Variants in SLITRK4 observed in about 807,000 individuals in gnomAD.
The protein encoded by SLITRK4 is SLIT and NTRK-like protein 4.
Under a neutral mutation model 34.7 loss-of-function variants are expected in SLITRK4, and 7 were observed. The observed-to-expected ratio is 0.20, with a 90% CI of 0.11 to 0.38. SLITRK4 has a LOEUF of 0.38. Ranked by LOEUF, SLITRK4 falls within the 10% of genes least tolerant of loss-of-function variation. The probability of loss-of-function intolerance (pLI) is 1.00; values close to 1 mark genes in which losing one functional copy is unlikely to be tolerated. For synonymous variants in SLITRK4, 237 were observed against 246.2 expected (o/e 0.96, Z 0.35); for missense variants, 474 against 607.0 (o/e 0.78, Z 2.30).
In SLITRK4 at chrX:143,626,544, A is replaced by T. The variant is rs782392838; in HGVS notation, c.*2051T>A. ...TACACACACTCAGACACACACACAC[A>T]TACACACACACCCAAGAAAGCCAAG... On this transcript the variant is annotated 3_prime_UTR_variant, in exon 2 of 2. Transcript: ENST00000356928. 1 of 105,702 alleles carries T rather than the reference A, an allele frequency of 9.5e-6. No homozygotes were observed. The highest frequency in any genetic ancestry group is 2.0e-5 in the Non-Finnish European group (1 of 50,897). 8.7% of individuals were successfully genotyped at this position (105,702 alleles called of 1,213,427 possible).
rs369233515 is a variant in SLITRK4 at position 143,628,618 on chromosome X, G to T, written c.2491C>A (p.Gln831Lys). The T allele has an allele frequency of 8.4e-7, 1 of 1,193,207 alleles. No individual in the cohort carries two copies. Among genetic ancestry groups the T allele is most frequent in the Non-Finnish European group, 1.1e-6 (1 of 887,950 alleles). ...ACCTAGATCTTGTTCAAAGCTGTTT[G>T]CTCCTCAAGGACCTGTAGGTAGTCA... The part of the protein sequence containing the change: ...SPDYLQVLEE[Q>K]TALNKI The change falls in exon 2 of 2, where the codon CAA becomes AAA. Residue 831 changes from glutamine to lysine, a missense_variant. Coordinates refer to ENST00000356928, the MANE Select transcript of SLITRK4 (RefSeq NM_001184749.3).
rs1930998461 is a variant in SLITRK4 at position 143,630,676 on chromosome X, A to G, written c.433T>C (p.Tyr145His). ...YLQADYNLIK[Y>H]IERGAFNKLH... Reference sequence around the variant, plus strand: ...TTATTGAAGGCTCCTCGTTCAATATACTTGATTAAATTGTAGTCAGCCTGG... The same window carrying G: ...TTATTGAAGGCTCCTCGTTCAATATGCTTGATTAAATTGTAGTCAGCCTGG... The change falls in exon 2 of 2, where the codon TAT becomes CAT. Residue 145 changes from tyrosine to histidine, a missense_variant. Around this residue, in one of 3 missense-constraint regions of SLITRK4, gnomAD observed 84 missense variants for 101.3 expected, o/e 0.83. Coordinates refer to ENST00000356928, the MANE Select transcript of SLITRK4 (RefSeq NM_001184749.3). The G allele has an allele frequency of 2.5e-6, 3 of 1,211,240 alleles. No homozygotes were observed. The highest frequency in any genetic ancestry group is 2.3e-4 in the Middle Eastern group (1 of 4,345).
At chrX:143,632,580 C>T (rs1037174046) in intron 1 of SLITRK4, among the ~76,000 whole-genome samples, 5 of 111,867 alleles carry the variant, frequency 4.5e-5, no homozygotes, top group South Asian at 7.5e-4. Flanking sequence ...AAAGAAGTGT[C>T]GCACAGAAAC....
chrX:143,633,503 T>C (rs1931116081), intron 1 of SLITRK4, among the ~76,000 whole-genome samples: 1 of 110,396 alleles, frequency 9.1e-6, no homozygotes, highest in African/African-American at 3.3e-5. Context: ...GAGCTGTCCG[T>C]CTTCCTCTCG....
intron 1 of SLITRK4, among the ~76,000 whole-genome samples, chrX:143,633,741 G>A (rs1019406798): frequency 2.7e-5 from 3 of 111,949 alleles, no homozygotes; most frequent in Non-Finnish European, 3.8e-5. Context: ...AGGCTCGGAT[G>A]GAGGTGGAAG....
At chrX:143,634,624 G>A (rs1931170710) in intron 1 of SLITRK4, 1 of 110,460 alleles carries the variant, frequency 9.1e-6, no homozygotes, top group Non-Finnish European at 1.9e-5. Context: ...AGGCAGGCAA[G>A]TGGGAGGTGG....
At chrX:143,632,082 C>T (rs1556428928) in intron 1 of SLITRK4, among the ~76,000 whole-genome samples, 1 of 111,556 alleles carries the variant, frequency 9.0e-6, no homozygotes, top group Admixed American at 9.5e-5. Context: ...AACCCAGGTC[C>T]GACTGATCCT....
In SLITRK4 at chrX:143,630,477, T is replaced by G; in HGVS notation, c.632A>C (p.Glu211Ala). Residue 211 changes from glutamate (E) to alanine (A), a missense_variant, in exon 2 of 2, where the codon GAA (glutamate) becomes GCA (alanine). Glu to Ala is a moderately radical substitution (Grantham distance 107). This residue lies in a region of SLITRK4 where 45 missense variants were observed against 99.2 expected (regional missense o/e 0.45). Transcript: ENST00000356928. The part of the protein sequence containing the change: ...HIGRVVELQL[E>A]DNPWNCSCDL... ...ACAGCTACAGTTCCAAGGGTTATCT[T>G]CCAGTTGCAATTCAACGACACGGCC... 8.3e-7 allele frequency: 1 copy of G among 1,211,833 alleles called. No individual in the cohort carries two copies. The highest frequency in any genetic ancestry group is 2.2e-5 in the Admixed American group (1 of 46,039).
Position 143,623,616 on chromosome X carries a change from A to G in SLITRK4, c.*4979T>C. The G allele has an allele frequency of 9.0e-6, 1 of 111,538 alleles. No homozygotes were observed. The highest frequency in any genetic ancestry group is 1.9e-5 in the Non-Finnish European group (1 of 52,996). The allele number at this position is 111,538 out of a possible 1,213,427, so 9.2% of individuals were successfully genotyped here. A position where few individuals can be genotyped will look rare whatever the true frequency, so the allele number is the denominator to read the frequency against. ...CAAAATAAAATTCCAAATTAGATTA[A>G]GGGCAGTTTTGTACAAAGTAAGTTA... On this transcript the variant is annotated 3_prime_UTR_variant, in exon 2 of 2. Transcript: ENST00000356928.
chrX:143,628,118 T>TTTTTTTTTTTTTTTTTTTTC lies in SLITRK4; in HGVS notation c.*476_*477insGAAAAAAAAAAAAAAAAAAA. On this transcript the variant is annotated 3_prime_UTR_variant, in exon 2 of 2. Coordinates refer to ENST00000356928, the MANE Select transcript of SLITRK4 (RefSeq NM_001184749.3). ...TTTTTTTTTTTTTTTTTTTTTTTTT[T>TTTTTTTTTTTTTTTTTTTTC]TTTTTTTTTACTTTTCAGATAATCT... 5.7e-6 allele frequency: 1 copy of TTTTTTTTTTTTTTTTTTTTC among 174,966 alleles called. No individual in the cohort carries two copies. The highest frequency in any genetic ancestry group is 9.9e-6 in the Non-Finnish European group (1 of 101,148). 14.4% of individuals were successfully genotyped at this position (174,966 alleles called of 1,213,427 possible). A position where few individuals can be genotyped will look rare whatever the true frequency, so the allele number is the denominator to read the frequency against.
chrX:143,630,975 T>C lies in SLITRK4; in HGVS notation c.134A>G (p.Lys45Arg). The change falls in exon 2 of 2, where the codon AAG becomes AGG. Residue 45 changes from lysine (K) to arginine (R), a missense_variant. Physicochemically the swap from Lys to Arg is conservative, Grantham distance 26 (BLOSUM62 2). Coordinates refer to ENST00000356928, the MANE Select transcript of SLITRK4 (RefSeq NM_001184749.3). ...VENVLYVNCEKVSVYRPNQLK... is the reference protein window; with the variant it reads ...VENVLYVNCERVSVYRPNQLK... The stretch of plus-strand genomic sequence containing the variant: ...CTGATTTGGTCTGTAGACTGAAACC[T>C]TCTCACAGTTGACATAGAGCACATT... 2 of 1,211,050 alleles carry C rather than the reference T, an allele frequency of 1.7e-6. No homozygotes were observed. The highest frequency in any genetic ancestry group is 4.6e-4 in the Middle Eastern group (2 of 4,351).
rs1379106673 is a variant in SLITRK4 at position 143,627,777 on chromosome X, T to C, written c.*818A>G. On this transcript the variant is annotated 3_prime_UTR_variant, in exon 2 of 2. Coordinates refer to ENST00000356928, the MANE Select transcript of SLITRK4 (RefSeq NM_001184749.3). ...GCTTATTTTGGACAACCTTGAAGGA[T>C]TGTGGGTGTTTCACGTAACTGAGAA... 1 of 111,896 alleles carries C rather than the reference T, an allele frequency of 8.9e-6. No individual in the cohort carries two copies. The highest frequency in any genetic ancestry group is 3.3e-5 in the African/African-American group (1 of 30,627). The allele number at this position is 111,896 out of a possible 1,213,427, so 9.2% of individuals were successfully genotyped here.
In SLITRK4 at chrX:143,629,306, G is replaced by A; in HGVS notation, c.1803C>T (p.Thr601=). Residue 601 remains threonine, a synonymous_variant, in exon 2 of 2, where the codon ACC becomes ACT. Coordinates refer to ENST00000356928, the MANE Select transcript of SLITRK4 (RefSeq NM_001184749.3). ...FTSPAPAITF[T]TPLGPIRSPP... ...GACTTCGAATGGGACCCAAAGGAGT[G>A]GTGAATGTAATGGCAGGTGCAGGGC... is the stretch of plus-strand genomic sequence containing the variant. 1 of 1,211,993 alleles carries A rather than the reference G, an allele frequency of 8.3e-7. No individual in the cohort carries two copies. The highest frequency in any genetic ancestry group is 1.1e-6 in the Non-Finnish European group (1 of 895,520).
In SLITRK4 at chrX:143,630,008, C is replaced by T. The variant is rs1556427288; in HGVS notation, c.1101G>A (p.Gln367=). Residue 367 remains glutamine (Q), a synonymous_variant, in exon 2 of 2, where the codon CAG becomes CAA. Coordinates refer to ENST00000356928, the MANE Select transcript of SLITRK4 (RefSeq NM_001184749.3). The part of the protein sequence containing the change: ...LSVNCQEKNI[Q]SMSELIPKPL... ...GTTTCGGTATCAGTTCAGACATAGA[C>T]TGTATATTTTTCTCTTGGCAGTTCA... The T allele has an allele frequency of 1.7e-6, 2 of 1,211,800 alleles. No individual in the cohort carries two copies. Among genetic ancestry groups the T allele is most frequent in the Admixed American group, 4.3e-5 (2 of 46,035 alleles).
Position 143,628,473 on chromosome X carries a change from G to C in SLITRK4, c.*122C>G. 1 of 509,003 alleles carries C rather than the reference G, an allele frequency of 2.0e-6. No homozygotes were observed. The allele number at this position is 509,003 out of a possible 1,213,427, so 41.9% of individuals were successfully genotyped here. On this transcript the variant is annotated 3_prime_UTR_variant, in exon 2 of 2. Coordinates refer to ENST00000356928, the MANE Select transcript of SLITRK4 (RefSeq NM_001184749.3). ...ACATCTTTGCAGCTACAGTTAATGA[G>C]ACACCCTTGGAAACACCTGCCTCCA... is the stretch of plus-strand genomic sequence containing the variant.
chrX:143,635,418 C>T (rs1441219120), intron 1 of SLITRK4, among the ~76,000 whole-genome samples: 1 of 103,407 alleles, frequency 9.7e-6, no homozygotes, highest in Non-Finnish European at 2.0e-5. Flanking sequence ...GCCTCCATCC[C>T]CCCCACCACA....
rs782468758 is a variant in SLITRK4 at position 143,629,405 on chromosome X, G to A, written c.1704C>T (p.Asn568=). 2.1e-5 allele frequency: 26 copies of A among 1,209,759 alleles called. No individual in the cohort carries two copies. Among genetic ancestry groups the A allele is most frequent in the Admixed American group, 6.6e-5 (3 of 45,746 alleles). The change falls in exon 2 of 2, where the codon AAC becomes AAT. Residue 568 remains asparagine (N), a synonymous_variant. Coordinates refer to ENST00000356928, the MANE Select transcript of SLITRK4 (RefSeq NM_001184749.3). Reference sequence around the variant, plus strand: ...CATTTTTGAGGGACTTCAGTTCAATGTTGGCAAACTGAACAGGCGTCTCAC... The same window carrying A: ...CATTTTTGAGGGACTTCAGTTCAATATTGGCAAACTGAACAGGCGTCTCAC... ...LKCETPVQFA[N]IELKSLKNEI...
chrX:143,634,328 C>A (rs5907450), intron 1 of SLITRK4: 1 of 111,269 alleles, frequency 9.0e-6, no homozygotes, highest in Non-Finnish European at 1.9e-5. Flanking sequence ...AGTTACCCAC[C>A]GGCTCTTCCT....
At chrX:143,635,147 T>TC (rs1388072044) in intron 1 of SLITRK4, 2 of 18,630 alleles carry the variant, frequency 1.1e-4, no homozygotes, top group Admixed American at 6.6e-4. Flanking sequence ...GCCCCCGCTC[T>TC]CCACCACCCC....
Sources: allele counts gnomAD v4.1 joint callset (sites outside exome capture counted in the v4.1 genomes callset), GRCh38; gene constraint gnomAD v4.1.1; regional missense constraint gnomAD v4.1.1; transcripts MANE v1.5; gene names NCBI Gene and HGNC (gene_info 2026-07-23, HGNC 2026-07-21).